Variants in ZSWIM4 observed in about 807,000 individuals in gnomAD.
The protein encoded by ZSWIM4 is zinc finger SWIM-type containing 4.
A neutral mutation model predicts 102.5 loss-of-function variants in ZSWIM4; 62 were observed. That is an observed-to-expected ratio of 0.60 (90% confidence interval 0.49 to 0.75). ZSWIM4 has a LOEUF of 0.75. Ranked by LOEUF, ZSWIM4 falls within the 30% of genes least tolerant of loss-of-function variation. ZSWIM4 has a pLI of 0.00. For synonymous variants in ZSWIM4, 652 were observed against 674.5 expected, an observed-to-expected ratio of 0.97 and a Z score of 0.52; for missense variants, 1,280 against 1,529.6, an observed-to-expected ratio of 0.84 and a Z score of 2.72.
In ZSWIM4 at chr19:13,805,054, C is replaced by T; in HGVS notation, c.618C>T (p.Tyr206=). The T allele has an allele frequency of 1.2e-6, 2 of 1,609,940 alleles. No homozygotes were observed. The change falls in exon 3 of 14, where the codon TAC becomes TAT. Residue 206 remains tyrosine (Y), a synonymous_variant. Coordinates refer to ENST00000590508, the MANE Select transcript of ZSWIM4 (RefSeq NM_001367834.3). The stretch of plus-strand genomic sequence containing the variant: ...ACCAGCTGCAGAAGTTCGTGCAGTA[C>T]CTCATCAGCGCCCATCACACTGAGG... ...NRDQLQKFVQ[Y]LISAHHTEVL...
rs753100054 is a variant in ZSWIM4, at chr19:13,830,210, TATC to T, written c.2484_2486del (p.Ile828del). The T allele has an allele frequency of 6.2e-7, 1 of 1,612,578 alleles. No homozygotes were observed. The highest frequency in any genetic ancestry group is 1.1e-5 in the South Asian group (1 of 91,062). ...CACCAGGCCCGCAAGCCCTGATGAA[TATC>T]ATGCAGAACTGGTATTCCTTATTCA... On this transcript the variant is annotated inframe_deletion, in exon 14 of 14. Coordinates refer to ENST00000590508, the MANE Select transcript of ZSWIM4 (RefSeq NM_001367834.3).
Position 13,830,468 on chromosome 19 carries a change from G to A in ZSWIM4, c.2739G>A (p.Ala913=), listed in dbSNP as rs748415444. Residue 913 remains alanine, a synonymous_variant, in exon 14 of 14, where the codon GCG becomes GCA. Coordinates refer to ENST00000590508, the MANE Select transcript of ZSWIM4 (RefSeq NM_001367834.3). ...CCTACCAGATCGTGCTGGACGCGGC[G>A]GCCGGCGGCCTGGGCCACGCCCACC... The part of the protein sequence containing the change: ...EAAYQIVLDA[A]AGGLGHAHLF... 11 of 1,603,526 alleles carry A rather than the reference G, an allele frequency of 6.9e-6. No individual in the cohort carries two copies. In the African/African-American group the frequency reaches 1.5e-4, roughly 21 times the overall value.
Position 13,809,024 on chromosome 19 carries a change from C to A in ZSWIM4, c.861+40C>A, listed in dbSNP as rs1974999130. The A allele has an allele frequency of 6.2e-7, 1 of 1,606,578 alleles. No individual in the cohort carries two copies. Among genetic ancestry groups the A allele is most frequent in the African/African-American group, 1.3e-5 (1 of 74,722 alleles). Reference sequence around the variant, plus strand: ...GGCGGGGCGCGGGGTGCAGAAGGCCCCGGCGGACGCCCCAGCCCTTCCTCA... The same window carrying A: ...GGCGGGGCGCGGGGTGCAGAAGGCCACGGCGGACGCCCCAGCCCTTCCTCA... On this transcript the variant is annotated intron_variant, in intron 4 of 13. Transcript: ENST00000590508. The surrounding 1 kb of genome is among the most constrained non-coding windows in gnomAD (Gnocchi z 4.2).
In ZSWIM4 at chr19:13,795,739, C is replaced by G. The variant is rs751179392; in HGVS notation, c.91C>G (p.Arg31Gly). ...AGAGAARGRG[R>G]PEALLDLSAK... ...GGCCGGGGCCGCGCGTGGCCGGGGC[C>G]GGCCCGAGGCGCTGCTGGACCTCAG... Residue 31 changes from arginine (R) to glycine (G), a missense_variant, in exon 1 of 14, where the codon CGG becomes GGG. Physicochemically the swap from Arg to Gly is moderately radical, Grantham distance 125. Transcript: ENST00000590508. The G allele has an allele frequency of 9.8e-6, 12 of 1,223,974 alleles. No homozygotes were observed. Among genetic ancestry groups the G allele is most frequent in the Non-Finnish European group, 1.2e-5 (12 of 982,314 alleles). The allele number at this position is 1,223,974 out of a possible 1,614,324, so 75.8% of individuals were successfully genotyped here.
intron 6 of ZSWIM4, among the ~76,000 whole-genome samples, chr19:13,813,630 G>C (rs1378689024): frequency 6.6e-6 from 1 of 151,940 alleles, no homozygotes; most frequent in Admixed American, 6.6e-5. Flanking sequence ...AAAATTTATA[G>C]CAAGTACAGG....
rs1368988289 is a variant in ZSWIM4 at position 13,814,666 on chromosome 19, G to A, written c.1332G>A (p.Val444=). The A allele has an allele frequency of 4.7e-6, 6 of 1,277,836 alleles. No individual in the cohort carries two copies. The highest frequency in any genetic ancestry group is 1.5e-5 in the African/African-American group (1 of 65,732). The allele number at this position is 1,277,836 out of a possible 1,614,324, so 79.2% of individuals were successfully genotyped here. Residue 444 remains valine, a synonymous_variant, in exon 7 of 14, where the codon GTG becomes GTA. Transcript: ENST00000590508. ...DSYGPSLTGS[V]GGDKPTFDPQ... ...ACGGGCCCAGCCTCACAGGCAGCGTGGGTGGGGACAAACCGACTTTCGACC... is the reference window on the plus strand; with the variant it reads ...ACGGGCCCAGCCTCACAGGCAGCGTAGGTGGGGACAAACCGACTTTCGACC...
intron 12 of ZSWIM4, among the ~76,000 whole-genome samples, chr19:13,828,282 A>G (rs1181989787): frequency 6.6e-6 from 1 of 151,926 alleles, no homozygotes; most frequent in Non-Finnish European, 1.5e-5. Flanking sequence ...GGTGGCGGGC[A>G]CCTGTAATCC....
chr19:13,810,579 C>G (rs568646306), intron 5 of ZSWIM4, among the ~76,000 whole-genome samples: 11 of 152,216 alleles, frequency 7.2e-5, no homozygotes, highest in African/African-American at 2.6e-4. Flanking sequence ...GCGTGAGCCA[C>G]CACACCCAGC....
At chr19:13,810,551 A>G (rs1471487296) in intron 5 of ZSWIM4, among the ~76,000 whole-genome samples, 1 of 151,982 alleles carries the variant, frequency 6.6e-6, no homozygotes, top group Admixed American at 6.6e-5. Flanking sequence ...TCAGCCTCCC[A>G]AAGTGCTGGG....
rs778698303 is a variant in ZSWIM4 at position 13,823,601 on chromosome 19, T to C, written c.2215+101T>C. 6.1e-4 allele frequency: 842 copies of C among 1,380,520 alleles called. 1 individual carries two copies. The highest frequency in any genetic ancestry group is 7.4e-4 in the Non-Finnish European group (750 of 1,016,646). 85.5% of individuals were successfully genotyped at this position (1,380,520 alleles called of 1,614,324 possible). A position where few individuals can be genotyped will look rare whatever the true frequency, so the allele number is the denominator to read the frequency against. Reference sequence around the variant, plus strand: ...TGCCTCCTCTTATCCTTTCACAAACTTCCCCCTGCATTCTTTGAGCACCTC... The same window carrying C: ...TGCCTCCTCTTATCCTTTCACAAACCTCCCCCTGCATTCTTTGAGCACCTC... On this transcript the variant is annotated intron_variant, in intron 11 of 13. Coordinates refer to ENST00000590508, the MANE Select transcript of ZSWIM4 (RefSeq NM_001367834.3).
chr19:13,829,176 A>G (rs1975690591), intron 13 of ZSWIM4, among the ~76,000 whole-genome samples: 1 of 149,130 alleles, frequency 6.7e-6, no homozygotes, highest in Admixed American at 6.6e-5. Flanking sequence ...TCCTATCCGG[A>G]GGGCTGAGGT....
In ZSWIM4 at chr19:13,814,721, C is replaced by A. The variant is rs912939779; in HGVS notation, c.1387C>A (p.Pro463Thr). ...PQGRPLWLGE[P>T]FPTACARVDT... is the part of the protein sequence containing the mutation. ...GGGCCGCCCACTGTGGCTGGGAGAACCTTTCCCCACTGCCTGTGCCCGTGT... is the reference window on the plus strand; with the variant it reads ...GGGCCGCCCACTGTGGCTGGGAGAAACTTTCCCCACTGCCTGTGCCCGTGT... Residue 463 changes from proline to threonine, a missense_variant, in exon 7 of 14, where the codon CCT becomes ACT. Transcript: ENST00000590508. 100 of 1,288,610 alleles carry A rather than the reference C, an allele frequency of 7.8e-5. No homozygotes were observed. Among genetic ancestry groups the A allele is most frequent in the Admixed American group, 1.1e-4 (5 of 43,504 alleles). 79.8% of individuals were successfully genotyped at this position (1,288,610 alleles called of 1,614,324 possible).
At chr19:13,819,327 T>C in intron 9 of ZSWIM4, 30 bp from the exon 10 acceptor site, 1 of 1,612,988 alleles carries the variant, frequency 6.2e-7, no homozygotes, top group Non-Finnish European at 8.5e-7. Context: ...GAGCCCACAC[T>C]TGGGGACTGA....
intron 7 of ZSWIM4, among the ~76,000 whole-genome samples, chr19:13,816,103 T>C (rs1029044047): frequency 6.6e-6 from 1 of 150,424 alleles, no homozygotes; most frequent in Non-Finnish European, 1.5e-5. Context: ...AAAAACCACA[T>C]TGTGTACTAG....
At chr19:13,827,853 G>C (rs1975653729) in intron 12 of ZSWIM4, among the ~76,000 whole-genome samples, 1 of 152,156 alleles carries the variant, frequency 6.6e-6, no homozygotes, top group Non-Finnish European at 1.5e-5. Context: ...GTGGGACCTA[G>C]TGAAGGTGGG....
rs779531452 is a variant in ZSWIM4 at position 13,817,769 on chromosome 19, C to G, written c.1717C>G (p.Pro573Ala). 1.9e-6 allele frequency: 3 copies of G among 1,603,238 alleles called. No homozygotes were observed. Among genetic ancestry groups the G allele is most frequent in the African/African-American group, 2.7e-5 (2 of 75,016 alleles). ...RKVAYQHVPVPGSPGESYLVL... is the reference protein window; with the variant it reads ...RKVAYQHVPVAGSPGESYLVL... Reference sequence around the variant, plus strand: ...GGTGGCCTACCAGCACGTGCCTGTGCCCGGGAGCCCTGGGGAGTCCTACTT... The same window carrying G: ...GGTGGCCTACCAGCACGTGCCTGTGGCCGGGAGCCCTGGGGAGTCCTACTT... The change falls in exon 9 of 14, where the codon CCC becomes GCC. Residue 573 changes from proline to alanine, a missense_variant. By Grantham distance (27) the Pro-to-Ala change is conservative (BLOSUM62 -1). Coordinates refer to ENST00000590508, the MANE Select transcript of ZSWIM4 (RefSeq NM_001367834.3).
intron 3 of ZSWIM4, 73 bp from the exon 4 acceptor site, chr19:13,808,763 G>A: frequency 4.4e-6 from 5 of 1,127,918 alleles, no homozygotes; most frequent in Admixed American, 3.2e-5. Flanking sequence ...AAAAAAAAAG[G>A]ACAGCTCTCC....
At chr19:13,813,189 GC>G (rs1187336545) in intron 6 of ZSWIM4, 25 bp downstream of exon 6, 5 of 1,580,732 alleles carry the variant, frequency 3.2e-6, no homozygotes, top group Non-Finnish European at 3.5e-6. Flanking sequence ...TCTTTACCAT[GC>G]CCCCCAAAAA....
rs748626782 is a variant in ZSWIM4, at chr19:13,825,693, G to A, written c.2359G>A (p.Ala787Thr). The A allele has an allele frequency of 4.3e-6, 7 of 1,610,666 alleles. No homozygotes were observed. Among genetic ancestry groups the A allele is most frequent in the South Asian group, 2.2e-5 (2 of 91,058 alleles). ...ACCAGACACCACGCTGCTGGGCATC[G>A]CACTGGAGCTGGGGCTGCAGGTGAG... ...APPDTTLLGIALELGLQVMRM... is the reference protein window; with the variant it reads ...APPDTTLLGITLELGLQVMRM... Residue 787 changes from alanine (A) to threonine (T), a missense_variant, in exon 12 of 14, where the codon GCA becomes ACA. Ala to Thr is a moderately conservative substitution (Grantham distance 58, BLOSUM62 0). Transcript: ENST00000590508. This position sits in a 1 kb window ranked among gnomAD's most constrained non-coding sequence, Gnocchi z 4.6.
Sources: allele counts gnomAD v4.1 joint callset (sites outside exome capture counted in the v4.1 genomes callset), GRCh38; gene constraint gnomAD v4.1.1; non-coding constraint Gnocchi (gnomAD v3.1); transcripts MANE v1.5; gene names NCBI Gene and HGNC (gene_info 2026-07-23, HGNC 2026-07-21).